TRIM48: variants seen among roughly 807,000 people sequenced by gnomAD.
TRIM48 encodes the protein tripartite motif containing 48.
Under a neutral mutation model 29.5 loss-of-function variants are expected in TRIM48, and 31 were observed. The observed-to-expected ratio is 1.05, with a 90% CI of 0.79 to 1.42. The LOEUF (loss-of-function observed/expected upper bound fraction) is 1.42. Ranked by LOEUF, TRIM48 falls within the 40% of genes most tolerant of loss-of-function variation. The pLI, the probability that TRIM48 is intolerant of heterozygous loss-of-function variation, is 0.00. For missense variants in TRIM48, 344 were observed against 265.0 expected (o/e 1.30, Z -2.07); for synonymous variants, 128 against 90.6 (o/e 1.41, Z -2.34).
At chr11:55,263,086 A>T (rs1207680418) in intron 1 of TRIM48, among the ~76,000 whole-genome samples, 1 of 152,178 alleles carries the variant, frequency 6.6e-6, no homozygotes. Flanking sequence ...GTATACATGT[A>T]GAGATACATT....
chr11:55,264,941 T>A lies in TRIM48; in HGVS notation c.86T>A (p.Leu29His), dbSNP rs1232235536. The A allele has an allele frequency of 1.3e-6, 2 of 1,583,912 alleles. 1 individual carries two copies. Among genetic ancestry groups the A allele is most frequent in the Non-Finnish European group, 1.7e-6 (2 of 1,166,146 alleles). The change falls in exon 2 of 6, where the codon CTC becomes CAC. Residue 29 changes from leucine (L) to histidine (H), a missense_variant. Leu to His is a moderately conservative substitution (Grantham distance 99, BLOSUM62 -3). Transcript: ENST00000417545. Reference sequence around the variant, plus strand: ...ATCTCGCAAGTCTTCCAGAGGGAACTCACCTGCCCCATCTGCATGAACTAC... The same window carrying A: ...ATCTCGCAAGTCTTCCAGAGGGAACACACCTGCCCCATCTGCATGAACTAC... ...SGISQVFQRE[L>H]TCPICMNYFI...
At position 55,265,311 on chromosome 11, in the gene TRIM48, C is replaced by T. The variant is rs1857374433; in HGVS notation, c.456C>T (p.His152=). The change falls in exon 2 of 6, where the codon CAC becomes CAT. Residue 152 remains histidine (H), a synonymous_variant. Coordinates refer to ENST00000417545, the MANE Select transcript of TRIM48 (RefSeq NM_024114.5). ...CCGCTGAGTGGGCTGCTGAGGAACA[C>T]TGGGTAAGTGATGCCTCTGAAGATC... ...HCPAEWAAEE[H]WEKLLKKMQS... is the part of the protein sequence containing the mutation. 10 of 1,582,244 alleles carry T rather than the reference C, an allele frequency of 6.3e-6. 1 individual carries two copies. The highest frequency in any genetic ancestry group is 7.7e-6 in the Non-Finnish European group (9 of 1,166,072).
At chr11:55,270,343 A>C (rs1306726937) in intron 5 of TRIM48, 94 bp from the exon 6 acceptor site, 8 of 1,049,438 alleles carry the variant, frequency 7.6e-6, no homozygotes, top group South Asian at 1.9e-5. Context: ...TGGTAAATTA[A>C]CTTTTTGATA....
chr11:55,267,653 T>G (rs1000612077), intron 3 of TRIM48: 3 of 1,565,900 alleles, frequency 1.9e-6, no homozygotes, highest in Non-Finnish European at 2.6e-6. Flanking sequence ...AAACTCGCAA[T>G]GTGGTTTCAG....
rs772392602 is a variant in TRIM48, at chr11:55,270,803, T to C, written c.*368T>C. The C allele has an allele frequency of 1.9e-6, 3 of 1,575,360 alleles. No individual in the cohort carries two copies. Among genetic ancestry groups the C allele is most frequent in the Non-Finnish European group, 2.6e-6 (3 of 1,158,514 alleles). On this transcript the variant is annotated 3_prime_UTR_variant, in exon 6 of 6. Transcript: ENST00000417545. The stretch of plus-strand genomic sequence containing the variant: ...TATGTCCCAAGACCTACCAACCATG[T>C]AGAATTATTCCTGGATTGTGAAGCT...
In TRIM48 at chr11:55,270,924, T is replaced by G; in HGVS notation, c.*489T>G. 2 of 1,556,776 alleles carry G rather than the reference T, an allele frequency of 1.3e-6. No homozygotes were observed. The highest frequency in any genetic ancestry group is 2.4e-5 in the South Asian group (2 of 82,768). On this transcript the variant is annotated 3_prime_UTR_variant, in exon 6 of 6. Coordinates refer to ENST00000417545, the MANE Select transcript of TRIM48 (RefSeq NM_024114.5). Reference sequence around the variant, plus strand: ...TTCCTCTCAGACCTATCTTTTTCTGTATTCTCCTCTGACCAGAGACAAATC... The same window carrying G: ...TTCCTCTCAGACCTATCTTTTTCTGGATTCTCCTCTGACCAGAGACAAATC...
chr11:55,267,578 A>C, intron 3 of TRIM48: 8 of 1,565,086 alleles, frequency 5.1e-6, no homozygotes. Context: ...GGAGATTTTT[A>C]AGAGGAATGT....
In TRIM48 at chr11:55,267,352, T is replaced by A; in HGVS notation, c.556-998T>A. Reference sequence around the variant, plus strand: ...GAGAGACAAAAGGAATCAGTGAGATTTAATAGGAGATGGATATATACATTT... The same window carrying A: ...GAGAGACAAAAGGAATCAGTGAGATATAATAGGAGATGGATATATACATTT... On this transcript the variant is annotated intron_variant, in intron 3 of 5. Transcript: ENST00000417545. 5 of 1,504,440 alleles carry A rather than the reference T, an allele frequency of 3.3e-6. 1 individual carries two copies. The highest frequency in any genetic ancestry group is 4.5e-6 in the Non-Finnish European group (5 of 1,103,286). 93.2% of individuals were successfully genotyped at this position (1,504,440 alleles called of 1,614,324 possible).
At position 55,269,324 on chromosome 11, in the gene TRIM48, C is replaced by G; in HGVS notation, c.661C>G (p.Leu221Val). The G allele has an allele frequency of 1.3e-6, 2 of 1,575,586 alleles. No individual in the cohort carries two copies. The highest frequency in any genetic ancestry group is 1.2e-5 in the South Asian group (1 of 83,648). The change falls in exon 5 of 6, where the codon CTC (leucine) becomes GTC (valine). Residue 221 changes from leucine to valine, a missense_variant. Transcript: ENST00000417545. ...AGPITGLRDR[L>V]NQF ...GCCCATCACTGGACTGAGGGACAGG[C>G]TCAACCAATTCTGAGGTAAGTCTCC...
intron 3 of TRIM48, among the ~76,000 whole-genome samples, chr11:55,266,905 T>C (rs1857402213): frequency 6.8e-6 from 1 of 147,150 alleles, no homozygotes; most frequent in African/African-American, 2.5e-5. Context: ...TGGAAGGAAA[T>C]GAATTCAGGG....
rs1001291713 is a variant in TRIM48, at chr11:55,269,689, T to C, written c.*1+350T>C. 2.1e-4 allele frequency among the ~76,000 whole-genome samples: 31 copies of C among 147,566 alleles called. 4 individuals are homozygous for C. Among genetic ancestry groups the C allele is most frequent in the African/African-American group, 6.9e-4 (28 of 40,448 alleles). ...ATTTTACATTTCTTTGGTGTATTCATTTGAACAGTTAAGAACTGTTCTTTT... is the reference window on the plus strand; with the variant it reads ...ATTTTACATTTCTTTGGTGTATTCACTTGAACAGTTAAGAACTGTTCTTTT... On this transcript the variant is annotated intron_variant, in intron 5 of 5. Transcript: ENST00000417545.
Position 55,270,516 on chromosome 11 carries a change from T to C in TRIM48, c.*81T>C, listed in dbSNP as rs1857466804. 3 of 1,579,912 alleles carry C rather than the reference T, an allele frequency of 1.9e-6. 1 individual carries two copies. The highest frequency in any genetic ancestry group is 8.6e-7 in the Non-Finnish European group (1 of 1,163,774). On this transcript the variant is annotated 3_prime_UTR_variant, in exon 6 of 6. Coordinates refer to ENST00000417545, the MANE Select transcript of TRIM48 (RefSeq NM_024114.5). Reference sequence around the variant, plus strand: ...ATTTGAGAAGCATTTGTATTGGATGTGACCGTCAAAATCCGCCCCATATCA... The same window carrying C: ...ATTTGAGAAGCATTTGTATTGGATGCGACCGTCAAAATCCGCCCCATATCA...
At position 55,264,956 on chromosome 11, in the gene TRIM48, G is replaced by T. The variant is rs1429750333; in HGVS notation, c.101G>T (p.Cys34Phe). 2 of 1,584,276 alleles carry T rather than the reference G, an allele frequency of 1.3e-6. No individual in the cohort carries two copies. Among genetic ancestry groups the T allele is most frequent in the South Asian group, 2.4e-5 (2 of 83,706 alleles). The change falls in exon 2 of 6, where the codon TGC becomes TTC. Residue 34 changes from cysteine (C) to phenylalanine (F), a missense_variant. Physicochemically the swap from Cys to Phe is radical, Grantham distance 205. Coordinates refer to ENST00000417545, the MANE Select transcript of TRIM48 (RefSeq NM_024114.5). The part of the protein sequence containing the change: ...VFQRELTCPI[C>F]MNYFIDPVTI... ...CAGAGGGAACTCACCTGCCCCATCT[G>T]CATGAACTACTTCATAGACCCGGTC...
chr11:55,267,919 T>A (rs1857418132), intron 3 of TRIM48, among the ~76,000 whole-genome samples: 1 of 147,736 alleles, frequency 6.8e-6, no homozygotes, highest in Non-Finnish European at 1.5e-5. Flanking sequence ...ACATTTAGGG[T>A]TGTCAAACAT....
At position 55,264,280 on chromosome 11, in the gene TRIM48, G is replaced by A. The variant is rs1334178361; in HGVS notation, c.45-620G>A. On this transcript the variant is annotated intron_variant, in intron 1 of 5. Transcript: ENST00000417545. ...TTCAACCTAAATTGGTTTAATTGCT[G>A]TTTTTTATTTGTTTATTTGGTTGGT... Among the ~76,000 whole-genome samples the A allele has an allele frequency of 1.4e-5, 2 of 147,658 alleles. 1 individual carries two copies. The highest frequency in any genetic ancestry group is 3.0e-5 in the Non-Finnish European group (2 of 66,782).
chr11:55,268,620 G>C (rs1220489162), intron 4 of TRIM48, among the ~76,000 whole-genome samples: 1 of 147,862 alleles, frequency 6.8e-6, no homozygotes. Context: ...AGCCTGCATA[G>C]GTGAAAGATG....
Position 55,270,609 on chromosome 11 carries a change from G to T in TRIM48, c.*174G>T. 1 of 1,583,052 alleles carries T rather than the reference G, an allele frequency of 6.3e-7. No homozygotes were observed. Among genetic ancestry groups the T allele is most frequent in the Non-Finnish European group, 8.6e-7 (1 of 1,165,424 alleles). On this transcript the variant is annotated 3_prime_UTR_variant, in exon 6 of 6. Transcript: ENST00000417545. ...TCACCTCTGGCAAATATTACTGGGA[G>T]GTCCATGTGGGGGACTCTTGGAATT...
intron 1 of TRIM48, among the ~76,000 whole-genome samples, chr11:55,264,281 T>G (rs1241805239): frequency 1.4e-5 from 2 of 148,046 alleles, no homozygotes; most frequent in Admixed American, 1.4e-4. Context: ...TTAATTGCTG[T>G]TTTTTATTTG....
intron 3 of TRIM48, chr11:55,267,675 T>C: frequency 1.3e-6 from 2 of 1,561,476 alleles, no homozygotes; most frequent in East Asian, 2.5e-5. Flanking sequence ...TTTTTGACTA[T>C]TCACATGTAT....
Sources: gnomAD v4.1 joint callset for allele counts (sites outside exome capture counted in the v4.1 genomes callset) on GRCh38, gnomAD v4.1.1 for gene constraint, MANE v1.5 for transcripts, NCBI Gene and HGNC (gene_info 2026-07-23, HGNC 2026-07-21) for gene names.